AUTS2: variants seen among roughly 807,000 people sequenced by gnomAD.
AUTS2 encodes the protein activator of transcription and developmental regulator AUTS2.
A neutral mutation model predicts 112.4 loss-of-function variants in AUTS2; 17 were observed. The observed-to-expected ratio is 0.15, with a 90% CI of 0.10 to 0.23. The LOEUF is 0.23. Ranked by LOEUF, AUTS2 falls within the 10% of genes least tolerant of loss-of-function variation. AUTS2 has a pLI of 1.00. For missense variants in AUTS2, 1,510 were observed against 1,701.6 expected (o/e 0.89, Z 1.98); for synonymous variants, 751 against 702.7 (o/e 1.07, Z -1.09).
chr7:69,599,539 T>C lies in AUTS2; in HGVS notation c.-115T>C. On this transcript the variant is annotated 5_prime_UTR_variant, in exon 1 of 19. Transcript: ENST00000342771. The surrounding 1 kb of genome is among the most constrained non-coding windows in gnomAD (Gnocchi z 7.0). ...GGCCGCCGTCTCCCCCGCGCCCTCCTCGGGGCGGAGGGAAGCCGTGAAGGG... is the reference window on the plus strand; with the variant it reads ...GGCCGCCGTCTCCCCCGCGCCCTCCCCGGGGCGGAGGGAAGCCGTGAAGGG... 1.9e-6 allele frequency: 2 copies of C among 1,031,162 alleles called. No homozygotes were observed. Among genetic ancestry groups the C allele is most frequent in the Non-Finnish European group, 2.5e-6 (2 of 812,066 alleles). The allele number at this position is 1,031,162 out of a possible 1,614,324, so 63.9% of individuals were successfully genotyped here. A position where few individuals can be genotyped will look rare whatever the true frequency, so the allele number is the denominator to read the frequency against.
intron 1 of AUTS2, among the ~76,000 whole-genome samples, chr7:69,746,957 G>T (rs538174944): frequency 1.7e-4 from 26 of 152,308 alleles, no homozygotes; most frequent in African/African-American, 6.3e-4. Context: ...AAAGAAGGTA[G>T]AGTTGGATAC....
intron 4 of AUTS2, among the ~76,000 whole-genome samples, chr7:70,386,214 G>C (rs1435599425): frequency 1.3e-5 from 2 of 152,276 alleles, no homozygotes; most frequent in African/African-American, 4.8e-5. Flanking sequence ...AAAAATGCCT[G>C]ATGTCTTAGA....
chr7:69,702,373 AGAAG>A (rs1797857253), intron 1 of AUTS2, among the ~76,000 whole-genome samples: 1 of 152,200 alleles, frequency 6.6e-6, no homozygotes, highest in African/African-American at 2.4e-5. Context: ...AGGCAGGGTG[AGAAG>A]GAAGGAAAAT....
intron 1 of AUTS2, among the ~76,000 whole-genome samples, chr7:69,845,666 G>T (rs747679482): frequency 1.3e-5 from 2 of 152,154 alleles, no homozygotes; most frequent in Non-Finnish European, 2.9e-5. Context: ...GTTTGTGAAC[G>T]AAGGGAGGGT....
intron 5 of AUTS2, among the ~76,000 whole-genome samples, chr7:70,624,101 A>G (rs1804818218): frequency 6.6e-6 from 1 of 152,212 alleles, no homozygotes; most frequent in Non-Finnish European, 1.5e-5. Flanking sequence ...TAATGTTTAT[A>G]CCTTGGGCTT....
At chr7:69,625,249 C>G (rs1346693004) in intron 1 of AUTS2, among the ~76,000 whole-genome samples, 1 of 152,118 alleles carries the variant, frequency 6.6e-6, no homozygotes, top group Non-Finnish European at 1.5e-5. Flanking sequence ...TGCTTCTGGC[C>G]CTGAAGTAGT....
chr7:70,130,168 T>C (rs892000705), intron 3 of AUTS2, among the ~76,000 whole-genome samples: 2 of 152,148 alleles, frequency 1.3e-5, no homozygotes, highest in Admixed American at 6.5e-5. Context: ...TGGAAGAATT[T>C]AAAAATATTC....
chr7:70,784,742 TAAAAAAAAAAAA>T (rs71077682), intron 15 of AUTS2, 188 bp from the exon 16 acceptor site: 4,543 of 279,612 alleles, frequency 0.016, 7 homozygotes, highest in South Asian at 0.02. Context: ...TTCTGCTTCC[TAAAAAAAAAAAA>T]AAAAAAAAAA....
intron 4 of AUTS2, among the ~76,000 whole-genome samples, chr7:70,189,274 G>A (rs919125164): frequency 1.3e-5 from 2 of 152,164 alleles, no homozygotes; most frequent in African/African-American, 4.8e-5. Flanking sequence ...GGAGAAAGAA[G>A]ATAGGAAACA....
intron 5 of AUTS2, chr7:70,436,937 G>A (rs924338921): frequency 6.6e-6 from 1 of 152,168 alleles, no homozygotes; most frequent in Non-Finnish European, 1.5e-5. Context: ...CTTAAAATCA[G>A]GAAATGAAAA....
At chr7:70,550,027 G>GCT (rs1236066952) in intron 5 of AUTS2, among the ~76,000 whole-genome samples, 2 of 152,212 alleles carry the variant, frequency 1.3e-5, no homozygotes, top group Non-Finnish European at 2.9e-5. Flanking sequence ...AGTAGGACTT[G>GCT]AACATAAAGG....
chr7:70,066,264 G>C (rs1332514103), intron 2 of AUTS2, among the ~76,000 whole-genome samples: 1 of 152,074 alleles, frequency 6.6e-6, no homozygotes, highest in Non-Finnish European at 1.5e-5. Flanking sequence ...CTTCTTAATA[G>C]TGATTGATCA....
intron 1 of AUTS2, among the ~76,000 whole-genome samples, chr7:69,891,293 C>T (rs978958863): frequency 6.6e-6 from 1 of 152,162 alleles, no homozygotes; most frequent in Non-Finnish European, 1.5e-5. Flanking sequence ...CGTATTCATG[C>T]CACCTGTATC....
intron 1 of AUTS2, among the ~76,000 whole-genome samples, chr7:69,618,109 T>A (rs1427268571): frequency 6.6e-6 from 1 of 152,172 alleles, no homozygotes; most frequent in African/African-American, 2.4e-5. Context: ...TTCTGTATGG[T>A]CATGCAGATA....
At chr7:70,768,002 T>C in intron 9 of AUTS2, 22 bp from the exon 10 acceptor site, 1 of 1,609,768 alleles carries the variant, frequency 6.2e-7, no homozygotes, top group South Asian at 1.1e-5. Context: ...AGTAACTAGC[T>C]TTTGCTTTGA....
rs112571875 is a variant in AUTS2, at chr7:69,601,151, A to G, written c.309+1189A>G. The stretch of plus-strand genomic sequence containing the variant: ...TCCCCACCCCCCACACACCATGCAC[A>G]CACACACAGAAGGCTTTGAGATTCT... On this transcript the variant is annotated intron_variant, in intron 1 of 18. Coordinates refer to ENST00000342771, the MANE Select transcript of AUTS2 (RefSeq NM_015570.4). Among the ~76,000 whole-genome samples, 13 of 151,704 alleles carry G rather than the reference A, an allele frequency of 8.6e-5. 1 individual carries two copies. The highest frequency in any genetic ancestry group is 2.2e-4 in the African/African-American group (9 of 41,350).
In AUTS2 at chr7:70,283,536, C is replaced by A. The variant is rs76033416; in HGVS notation, c.660+148965C>A. 8.5e-5 allele frequency among the ~76,000 whole-genome samples: 13 copies of A among 152,152 alleles called. No individual in the cohort carries two copies. The East Asian group carries it at 2.1e-3, about 25-fold the overall frequency. Reference sequence around the variant, plus strand: ...AATCAATGAAATACTGCATATAGTTCTTTTGTGGTATGTGTATATATGTAT... The same window carrying A: ...AATCAATGAAATACTGCATATAGTTATTTTGTGGTATGTGTATATATGTAT... On this transcript the variant is annotated intron_variant, in intron 4 of 18. Transcript: ENST00000342771.
chr7:69,612,230 G>C (rs865777857), intron 1 of AUTS2, among the ~76,000 whole-genome samples: 3 of 152,056 alleles, frequency 2.0e-5, no homozygotes, highest in Admixed American at 2.0e-4. Flanking sequence ...TTTCTGACAT[G>C]GTTTTCCCAT....
chr7:69,851,826 G>A (rs1792496375), intron 1 of AUTS2, among the ~76,000 whole-genome samples: 1 of 152,026 alleles, frequency 6.6e-6, no homozygotes, highest in South Asian at 2.1e-4. Context: ...ATTTGTTTTT[G>A]CATGTTGGTC....
Sources: allele counts gnomAD v4.1 joint callset (sites outside exome capture counted in the v4.1 genomes callset), GRCh38; gene constraint gnomAD v4.1.1; non-coding constraint Gnocchi (gnomAD v3.1); transcripts MANE v1.5; gene names NCBI Gene and HGNC (gene_info 2026-07-23, HGNC 2026-07-21).